Variants in RYR3 observed in about 807,000 individuals in gnomAD.
The protein encoded by RYR3 is brain ryanodine receptor-calcium release channel.
A neutral mutation model predicts 584.3 loss-of-function variants in RYR3; 207 were observed. The ratio of observed to expected loss-of-function variants is 0.35; its 90% CI spans 0.32 to 0.40. The LOEUF (loss-of-function observed/expected upper bound fraction) is 0.40. RYR3 is among the 10% of genes least tolerant of loss of function. The probability of loss-of-function intolerance (pLI) is 1.00; values close to 1 mark genes in which losing one functional copy is unlikely to be tolerated. For synonymous variants in RYR3, 2,416 were observed against 2,248.5 expected (o/e 1.07, Z -2.11); for missense variants, 5,616 against 6,089.2 (o/e 0.92, Z 2.59).
chr15:33,847,401 A>G (rs2078797183), intron 93 of RYR3, among the ~76,000 whole-genome samples: 1 of 152,236 alleles, frequency 6.6e-6, no homozygotes, highest in Admixed American at 6.5e-5. Context: ...GATGTTGCCA[A>G]GTAGCCAGTG....
In RYR3 at chr15:33,311,524, C is replaced by T. The variant is rs141391058; in HGVS notation, c.51+428C>T. Among the ~76,000 whole-genome samples the T allele has an allele frequency of 3.9e-5, 6 of 152,308 alleles. No homozygotes were observed. Among genetic ancestry groups the T allele is most frequent in the Admixed American group, 6.5e-5 (1 of 15,304 alleles). Reference sequence around the variant, plus strand: ...CCAGCCCCATTCCTCTTCCAGGGCGCCCCCACGCACAGGGGAACCTCCGGG... The same window carrying T: ...CCAGCCCCATTCCTCTTCCAGGGCGTCCCCACGCACAGGGGAACCTCCGGG... On this transcript the variant is annotated intron_variant, in intron 1 of 103. Coordinates refer to ENST00000634891, the MANE Select transcript of RYR3 (RefSeq NM_001036.6). This position sits in a 1 kb window ranked among gnomAD's most constrained non-coding sequence, Gnocchi z 4.4.
Position 33,530,634 on chromosome 15 carries a change from G to A in RYR3, c.322G>A (p.Ala108Thr). The change falls in exon 4 of 104, where the codon GCA (alanine) becomes ACA (threonine). Residue 108 changes from alanine (A) to threonine (T), a missense_variant. Transcript: ENST00000634891. ...GGHRTLLYGHAVLLRHSFSGM... is the reference protein window; with the variant it reads ...GGHRTLLYGHTVLLRHSFSGM... ...CCACAGGACCCTGTTATACGGCCAT[G>A]CAGTTCTCCTGAGGCACTCTTTCAG... is the stretch of plus-strand genomic sequence containing the variant. The A allele has an allele frequency of 6.2e-7, 1 of 1,613,746 alleles. No individual in the cohort carries two copies. Among genetic ancestry groups the A allele is most frequent in the Non-Finnish European group, 8.5e-7 (1 of 1,179,762 alleles).
At position 33,739,234 on chromosome 15, in the gene RYR3, A is replaced by G. The variant is rs1004466394; in HGVS notation, c.7657-598A>G. Among the ~76,000 whole-genome samples the G allele has an allele frequency of 2.4e-4, 36 of 152,244 alleles. 1 individual carries two copies. The highest frequency in any genetic ancestry group is 7.5e-4 in the African/African-American group (31 of 41,472). ...TGGTTTTCTTAGAGAAATCTAGAAC[A>G]TGCACATAGCTTGTTCACCTGCACT... On this transcript the variant is annotated intron_variant, in intron 50 of 103. Transcript: ENST00000634891.
At position 33,632,340 on chromosome 15, in the gene RYR3, G is replaced by A. The variant is rs186122725; in HGVS notation, c.2868-609G>A. Among the ~76,000 whole-genome samples, 138 of 152,270 alleles carry A rather than the reference G, an allele frequency of 9.1e-4. 6 individuals are homozygous for A. In the East Asian group the frequency reaches 0.019, roughly 21 times the overall value. ...GTGCCCTAGTCTTCTGCATTTACAC[G>A]ATGTGTCTACATAGAGCTCTTCCAC... On this transcript the variant is annotated intron_variant, in intron 23 of 103. Transcript: ENST00000634891.
intron 3 of RYR3, among the ~76,000 whole-genome samples, chr15:33,520,997 T>C (rs752986952): frequency 8.5e-5 from 13 of 152,186 alleles, no homozygotes; most frequent in Non-Finnish European, 1.2e-4. Flanking sequence ...TCGATTCTCA[T>C]AGGGCAAAGG....
rs534384050 is a variant in RYR3, at chr15:33,572,793, G to A, written c.1268+5994G>A. On this transcript the variant is annotated intron_variant, in intron 12 of 103. Coordinates refer to ENST00000634891, the MANE Select transcript of RYR3 (RefSeq NM_001036.6). ...GGTTCGAGACCAGCCTGACCAACAT[G>A]GAGAAACCCCGTCTTTACTAAAAAT... is the stretch of plus-strand genomic sequence containing the variant. Among the ~76,000 whole-genome samples, 4 of 151,976 alleles carry A rather than the reference G, an allele frequency of 2.6e-5. No individual in the cohort carries two copies. In the Middle Eastern group the frequency reaches 0.01, roughly 388 times the overall value.
In RYR3 at chr15:33,642,017, C is replaced by T. The variant is rs1053235936; in HGVS notation, c.3557-2294C>T. ...TCCCATTTTTGTCACTTGCCCTTCCCGTGACTGTGGTCAAGTCCATTAACT... is the reference window on the plus strand; with the variant it reads ...TCCCATTTTTGTCACTTGCCCTTCCTGTGACTGTGGTCAAGTCCATTAACT... On this transcript the variant is annotated intron_variant, in intron 27 of 103. Coordinates refer to ENST00000634891, the MANE Select transcript of RYR3 (RefSeq NM_001036.6). 7.9e-5 allele frequency among the ~76,000 whole-genome samples: 12 copies of T among 152,170 alleles called. No homozygotes were observed. The South Asian group carries it at 8.3e-4, about 11-fold the overall frequency.
chr15:33,831,116 G>C, intron 86 of RYR3, 25 bp downstream of exon 86: 1 of 1,603,710 alleles, frequency 6.2e-7, no homozygotes, highest in African/African-American at 1.3e-5. Flanking sequence ...GTGCATGGTT[G>C]AAAACAAAGA....
chr15:33,547,355 G>T (rs1195657963), intron 8 of RYR3, among the ~76,000 whole-genome samples: 1 of 152,116 alleles, frequency 6.6e-6, no homozygotes, highest in Non-Finnish European at 1.5e-5. Flanking sequence ...CTGGAAAAAA[G>T]TTTGCAGGAA....
chr15:33,668,817 CAG>C (rs1279280371), intron 36 of RYR3, among the ~76,000 whole-genome samples: 1 of 151,944 alleles, frequency 6.6e-6, no homozygotes, highest in Non-Finnish European at 1.5e-5. Context: ...AGAAAATAAT[CAG>C]AGACATGAAA....
chr15:33,511,726 T>C (rs2053029006), intron 3 of RYR3, among the ~76,000 whole-genome samples: 1 of 152,246 alleles, frequency 6.6e-6, no homozygotes, highest in African/African-American at 2.4e-5. Context: ...TTAGAATGAC[T>C]TGCCTGTGGA....
At chr15:33,472,886 A>G (rs1454105535) in intron 1 of RYR3, among the ~76,000 whole-genome samples, 3 of 151,954 alleles carry the variant, frequency 2.0e-5, no homozygotes, top group Admixed American at 6.6e-5. Context: ...TTCACCCTCC[A>G]TATCTTCCTC....
At position 33,699,381 on chromosome 15, in the gene RYR3, CCTCT is replaced by C. The variant is rs923977895; in HGVS notation, c.6250-311_6250-308del. On this transcript the variant is annotated intron_variant, in intron 40 of 103. Coordinates refer to ENST00000634891, the MANE Select transcript of RYR3 (RefSeq NM_001036.6). ...CTCTCTCATCTCACTCACTCTCTCT[CCTCT>C]CTCTCTCTCTCATCTCTCTCTGTCT... is the stretch of plus-strand genomic sequence containing the variant. Among the ~76,000 whole-genome samples, 53 of 148,740 alleles carry C rather than the reference CCTCT, an allele frequency of 3.6e-4. No homozygotes were observed. The East Asian group carries it at 3.6e-3, about 10-fold the overall frequency.
At chr15:33,539,858 A>G (rs1296882691) in intron 6 of RYR3, among the ~76,000 whole-genome samples, 1 of 152,196 alleles carries the variant, frequency 6.6e-6, no homozygotes, top group Non-Finnish European at 1.5e-5. Context: ...GTAGAAGTAG[A>G]TCATCCTAAA....
intron 67 of RYR3, among the ~76,000 whole-genome samples, chr15:33,794,608 TTA>T (rs1276387616): frequency 6.6e-6 from 1 of 152,096 alleles, no homozygotes; most frequent in Non-Finnish European, 1.5e-5. Context: ...TATGTTGTAC[TTA>T]TGCGGTGTTT....
intron 60 of RYR3, among the ~76,000 whole-genome samples, chr15:33,767,900 G>A (rs555843603): frequency 3.3e-5 from 5 of 152,176 alleles, no homozygotes; most frequent in South Asian, 2.1e-4. Flanking sequence ...CAGAAACAGC[G>A]ATGGACTCCT....
At position 33,631,338 on chromosome 15, in the gene RYR3, C is replaced by T. The variant is rs2061256283; in HGVS notation, c.2867+45C>T. The stretch of plus-strand genomic sequence containing the variant: ...ATGGTTCAAGACTTTAATGCTTCAG[C>T]CTGGATTTTTAATCCAGGAGGGTGG... On this transcript the variant is annotated intron_variant, in intron 23 of 103. Coordinates refer to ENST00000634891, the MANE Select transcript of RYR3 (RefSeq NM_001036.6). The T allele has an allele frequency of 2.3e-6, 3 of 1,306,818 alleles. 1 individual carries two copies. Among genetic ancestry groups the T allele is most frequent in the Non-Finnish European group, 1.1e-6 (1 of 928,702 alleles). The allele number at this position is 1,306,818 out of a possible 1,614,324, so 81.0% of individuals were successfully genotyped here. A position where few individuals can be genotyped will look rare whatever the true frequency, so the allele number is the denominator to read the frequency against.
At chr15:33,458,685 A>G (rs1292536715) in intron 1 of RYR3, among the ~76,000 whole-genome samples, 1 of 152,150 alleles carries the variant, frequency 6.6e-6, no homozygotes, top group African/African-American at 2.4e-5. Flanking sequence ...AAGCTGACCT[A>G]TCATCTTCCT....
At position 33,838,644 on chromosome 15, in the gene RYR3, G is replaced by A. The variant is rs892836302; in HGVS notation, c.12664G>A (p.Gly4222Arg). Residue 4222 changes from glycine (G) to arginine (R), a missense_variant, in exon 89 of 104, where the codon GGG becomes AGG. This residue lies in a region of RYR3 where 918 missense variants were observed against 887.4 expected (regional missense o/e 1.03). Coordinates refer to ENST00000634891, the MANE Select transcript of RYR3 (RefSeq NM_001036.6). ...AGTGTTTGGAGGGGGCCTGGTAGAAGGGGCAAAGAACATCAGAGTGACCAA... is the reference window on the plus strand; with the variant it reads ...AGTGTTTGGAGGGGGCCTGGTAGAAAGGGCAAAGAACATCAGAGTGACCAA... Reference protein sequence around the residue: ...STVFGGGLVEGAKNIRVTKIL... With the variant: ...STVFGGGLVERAKNIRVTKIL... The A allele has an allele frequency of 7.4e-6, 12 of 1,613,818 alleles. No individual in the cohort carries two copies. In the Admixed American group the frequency reaches 1.5e-4, roughly 20 times the overall value.
Sources: allele counts gnomAD v4.1 joint callset (sites outside exome capture counted in the v4.1 genomes callset), GRCh38; gene constraint gnomAD v4.1.1; regional missense constraint gnomAD v4.1.1; non-coding constraint Gnocchi (gnomAD v3.1); transcripts MANE v1.5; gene names NCBI Gene and HGNC (gene_info 2026-07-23, HGNC 2026-07-21).